The following HECW2 variants were observed in gnomAD, a reference collection of about 807,000 sequenced individuals.
HECW2 encodes the protein E3 ubiquitin-protein ligase HECW2.
Under a neutral mutation model 175.2 loss-of-function variants are expected in HECW2, and 61 were observed. The ratio of observed to expected loss-of-function variants is 0.35; its 90% CI spans 0.28 to 0.43. HECW2 has a LOEUF of 0.43. Among genes scored for constraint, HECW2 ranks in the 20% least tolerant of loss-of-function variants. The pLI is 1.00. For missense variants in HECW2, 1,524 were observed against 2,000.5 expected, an observed-to-expected ratio of 0.76 and a Z score of 4.54; for synonymous variants, 671 against 731.0, an observed-to-expected ratio of 0.92 and a Z score of 1.32.
chr2:196,527,363 C>A (rs1280047969), intron 1 of HECW2, among the ~76,000 whole-genome samples: 1 of 152,260 alleles, frequency 6.6e-6, no homozygotes, highest in African/African-American at 2.4e-5. Flanking sequence ...ACCCACTGGC[C>A]TGCGCCCACT....
At chr2:196,214,981 C>T (rs10497779) in intron 28 of HECW2, among the ~76,000 whole-genome samples, 5,477 of 152,116 alleles carry the variant, frequency 0.036, 316 homozygotes, top group African/African-American at 0.12. Context: ...TCTTGGGGTA[C>T]CTAATATCAT....
intron 1 of HECW2, among the ~76,000 whole-genome samples, chr2:196,583,417 T>G (rs1016499107): frequency 7.2e-5 from 11 of 152,232 alleles, no homozygotes; most frequent in Admixed American, 4.6e-4. Context: ...TTTCTCAAAC[T>G]TTACTGTGCA....
chr2:196,520,202 C>G (rs752451126), intron 1 of HECW2, among the ~76,000 whole-genome samples: 7 of 151,614 alleles, frequency 4.6e-5, no homozygotes, highest in Non-Finnish European at 7.4e-5. Flanking sequence ...ATAGAGGAAA[C>G]TGGGTAAAGT....
chr2:196,559,199 C>T (rs1342144031), intron 1 of HECW2, among the ~76,000 whole-genome samples: 1 of 152,144 alleles, frequency 6.6e-6, no homozygotes, highest in Non-Finnish European at 1.5e-5. Flanking sequence ...CTCACAACAC[C>T]CACAGTTCCC....
At chr2:196,235,746 C>T (rs560041184) in intron 21 of HECW2, among the ~76,000 whole-genome samples, 2 of 147,700 alleles carry the variant, frequency 1.4e-5, no homozygotes, top group African/African-American at 5.0e-5. Context: ...AGCTCCGCCT[C>T]CTGGGTTCAC....
intron 28 of HECW2, among the ~76,000 whole-genome samples, chr2:196,204,608 G>C (rs1687000957): frequency 6.6e-6 from 1 of 152,164 alleles, no homozygotes; most frequent in African/African-American, 2.4e-5. Context: ...GAGACCATGA[G>C]CAGAAGACCC....
intron 23 of HECW2, among the ~76,000 whole-genome samples, chr2:196,223,861 G>T (rs1439548465): frequency 6.6e-6 from 1 of 152,180 alleles, no homozygotes. Flanking sequence ...GAGAGAAGAA[G>T]ATGAATTTGA....
intron 2 of HECW2, among the ~76,000 whole-genome samples, chr2:196,417,026 T>C (rs1401488754): frequency 6.6e-6 from 1 of 152,236 alleles, no homozygotes; most frequent in East Asian, 1.9e-4. Context: ...AAATTCCTAT[T>C]AGGCACTGTA....
At chr2:196,391,787 A>G (rs1010364826) in intron 2 of HECW2, among the ~76,000 whole-genome samples, 1 of 152,176 alleles carries the variant, frequency 6.6e-6, no homozygotes, top group Admixed American at 6.5e-5. Context: ...AGGTGTTAGC[A>G]AGCCATCCTC....
At chr2:196,286,004 A>T (rs1316628739) in intron 14 of HECW2, among the ~76,000 whole-genome samples, 2 of 152,186 alleles carry the variant, frequency 1.3e-5, no homozygotes, top group East Asian at 3.8e-4. Context: ...TAGCTAAGGG[A>T]GTGGTATTTT....
At chr2:196,270,434 T>C (rs888139301) in intron 17 of HECW2, among the ~76,000 whole-genome samples, 1 of 152,162 alleles carries the variant, frequency 6.6e-6, no homozygotes, top group Admixed American at 6.5e-5. Flanking sequence ...TCATGCAAGG[T>C]GAGGCTCAGT....
Position 196,322,637 on chromosome 2 carries a change from A to G in HECW2, c.742-17T>C, listed in dbSNP as rs1575413623. 4 of 1,602,378 alleles carry G rather than the reference A, an allele frequency of 2.5e-6. No homozygotes were observed. The highest frequency in any genetic ancestry group is 3.4e-6 in the Non-Finnish European group (4 of 1,170,918). ...GGAATATTTCTGAAAACACAAACAG[A>G]TAACATGCTGGTTTAAAAGAAAGAC... On this transcript the variant is annotated splice_polypyrimidine_tract_variant and intron_variant, in intron 6 of 28. Transcript: ENST00000644978.
chr2:196,309,382 A>G (rs1691395196), intron 10 of HECW2, among the ~76,000 whole-genome samples: 1 of 152,226 alleles, frequency 6.6e-6, no homozygotes, highest in Non-Finnish European at 1.5e-5. Flanking sequence ...TCATGTTCCA[A>G]GGTAACACAG....
chr2:196,413,376 C>T (rs985727744), intron 2 of HECW2, among the ~76,000 whole-genome samples: 2 of 151,752 alleles, frequency 1.3e-5, no homozygotes, highest in Non-Finnish European at 2.9e-5. Context: ...GATTGAGTCT[C>T]ACTCCATTGC....
intron 1 of HECW2, among the ~76,000 whole-genome samples, chr2:196,507,176 T>TACACGCACTAATACGTGTATATTAC (rs1687789990): frequency 6.6e-6 from 1 of 151,368 alleles, no homozygotes; most frequent in Admixed American, 6.6e-5. Context: ...ATGTGTATAT[T>TACACGCACTAATACGTGTATATTAC]ACACACACTA....
At chr2:196,203,974 T>C (rs1473426881) in intron 28 of HECW2, among the ~76,000 whole-genome samples, 1 of 152,232 alleles carries the variant, frequency 6.6e-6, no homozygotes, top group Non-Finnish European at 1.5e-5. Flanking sequence ...TATTTGTCTT[T>C]TGTGATTGGC....
At chr2:196,422,462 C>G (rs1204495981) in intron 2 of HECW2, among the ~76,000 whole-genome samples, 7 of 151,920 alleles carry the variant, frequency 4.6e-5, no homozygotes. Context: ...GTCATGTGTC[C>G]AGATGGCATA....
intron 2 of HECW2, among the ~76,000 whole-genome samples, chr2:196,375,124 A>G (rs1559074650): frequency 6.6e-6 from 1 of 151,660 alleles, no homozygotes; most frequent in East Asian, 1.9e-4. Flanking sequence ...ATGCCACTGC[A>G]CTCTAGCCTG....
At chr2:196,293,497 T>C (rs1189992422) in intron 13 of HECW2, among the ~76,000 whole-genome samples, 1 of 152,234 alleles carries the variant, frequency 6.6e-6, no homozygotes, top group Non-Finnish European at 1.5e-5. Context: ...GAATGATTTA[T>C]ATTCCTTTGG....
Sources: allele counts gnomAD v4.1 joint callset (sites outside exome capture counted in the v4.1 genomes callset), GRCh38; gene constraint gnomAD v4.1.1; transcripts MANE v1.5; gene names NCBI Gene and HGNC (gene_info 2026-07-23, HGNC 2026-07-21).